The following POLR3B variants were observed in gnomAD, a reference collection of about 807,000 sequenced individuals.
POLR3B encodes the protein RNA polymerase III subunit B.
POLR3B carries 96 observed loss-of-function variants against 147.4 expected under a neutral mutation model. The observed-to-expected ratio is 0.65, with a 90% CI of 0.55 to 0.77. POLR3B has a LOEUF of 0.77. Ranked by LOEUF, POLR3B falls within the 30% of genes least tolerant of loss-of-function variation. The pLI is 0.00. For synonymous variants in POLR3B, 461 were observed against 485.9 expected (o/e 0.95, Z 0.67); for missense variants, 1,036 against 1,413.5 (o/e 0.73, Z 4.28).
rs1263125713 is a variant in POLR3B at position 106,432,499 on chromosome 12, C to T, written c.1627+19C>T. 2 of 1,595,842 alleles carry T rather than the reference C, an allele frequency of 1.3e-6. No individual in the cohort carries two copies. Among genetic ancestry groups the T allele is most frequent in the African/African-American group, 1.3e-5 (1 of 74,558 alleles). ...CTTAATGGTGGGTATATTATAGAGA[C>T]ATGTTGGTCCTAGATAGTCTGTGAA... On this transcript the variant is annotated intron_variant, in intron 15 of 27. Transcript: ENST00000228347.
chr12:106,455,680 T>C (rs2037856100), intron 20 of POLR3B, among the ~76,000 whole-genome samples: 1 of 152,192 alleles, frequency 6.6e-6, no homozygotes, highest in Admixed American at 6.5e-5. Context: ...AAGATTCACA[T>C]TGCACTCCAG....
chr12:106,392,634 G>A (rs1250801194), intron 9 of POLR3B, among the ~76,000 whole-genome samples: 1 of 152,160 alleles, frequency 6.6e-6, no homozygotes, highest in Non-Finnish European at 1.5e-5. Flanking sequence ...ACTGATTGGG[G>A]TTCTGCTTAT....
chr12:106,439,289 A>G (rs368462341), intron 18 of POLR3B, among the ~76,000 whole-genome samples: 1 of 152,212 alleles, frequency 6.6e-6, no homozygotes, highest in Non-Finnish European at 1.5e-5. Context: ...AGGTGGAAGG[A>G]TCATTTGAGC....
At chr12:106,383,083 T>C (rs2136905085) in intron 9 of POLR3B, among the ~76,000 whole-genome samples, 1 of 152,344 alleles carries the variant, frequency 6.6e-6, no homozygotes, top group South Asian at 2.1e-4. Flanking sequence ...CTTCTTTCCA[T>C]AAATCTCATG....
chr12:106,378,489 A>T (rs1210301427), intron 8 of POLR3B, 105 bp downstream of exon 8: 1 of 694,580 alleles, frequency 1.4e-6, no homozygotes, highest in Non-Finnish European at 2.6e-6. Flanking sequence ...CTCTAAAAGC[A>T]GGCATTGTAA....
intron 1 of POLR3B, among the ~76,000 whole-genome samples, chr12:106,362,968 C>T (rs906870308): frequency 7.2e-4 from 110 of 152,168 alleles, no homozygotes; most frequent in Admixed American, 4.9e-3. Flanking sequence ...TTTTGATTTC[C>T]GTCATCATAG....
chr12:106,442,349 G>A (rs762365782), intron 18 of POLR3B, among the ~76,000 whole-genome samples: 129 of 152,126 alleles, frequency 8.5e-4, no homozygotes, highest in Non-Finnish European at 1.5e-3. Flanking sequence ...TGTCAACTTG[G>A]CCAATATTTA....
At chr12:106,424,269 G>T (rs2037408537) in intron 12 of POLR3B, among the ~76,000 whole-genome samples, 1 of 152,066 alleles carries the variant, frequency 6.6e-6, no homozygotes, top group African/African-American at 2.4e-5. Flanking sequence ...TTAGTTTTTG[G>T]GACTAGAACA....
intron 23 of POLR3B, among the ~76,000 whole-genome samples, chr12:106,481,676 T>C (rs538631561): frequency 2.0e-5 from 3 of 152,342 alleles, no homozygotes; most frequent in African/African-American, 7.2e-5. Flanking sequence ...TCCTTACACG[T>C]AGGTTTACAC....
intron 23 of POLR3B, among the ~76,000 whole-genome samples, chr12:106,493,975 G>T (rs142682172): frequency 1.6e-3 from 243 of 152,188 alleles, no homozygotes; most frequent in Non-Finnish European, 2.8e-3. Context: ...TGCCAAAGCA[G>T]TTCCTATAAT....
At chr12:106,472,147 A>G (rs1213444906) in intron 23 of POLR3B, among the ~76,000 whole-genome samples, 6 of 129,294 alleles carry the variant, frequency 4.6e-5, no homozygotes, top group African/African-American at 1.9e-4. Flanking sequence ...TTTACTGAGA[A>G]TGATGGTTTC....
At chr12:106,369,557 C>T (rs777504983) in intron 5 of POLR3B, 26 bp from the exon 6 acceptor site, 1 of 1,449,692 alleles carries the variant, frequency 6.9e-7, no homozygotes, top group South Asian at 1.1e-5. Context: ...GGAGCAGTAA[C>T]TGTCAGATTC....
intron 18 of POLR3B, among the ~76,000 whole-genome samples, chr12:106,443,268 T>C (rs1342341492): frequency 6.6e-6 from 1 of 152,210 alleles, no homozygotes; most frequent in Non-Finnish European, 1.5e-5. Context: ...TTATCAGAAA[T>C]ACTAGATCTC....
intron 23 of POLR3B, among the ~76,000 whole-genome samples, chr12:106,487,064 G>A (rs1359941362): frequency 2.0e-5 from 3 of 152,200 alleles, no homozygotes; most frequent in Non-Finnish European, 4.4e-5. Context: ...ATAACCCAGC[G>A]CTTAGTGTGG....
intron 22 of POLR3B, among the ~76,000 whole-genome samples, chr12:106,460,014 C>A (rs1390621877): frequency 6.6e-6 from 1 of 152,118 alleles, no homozygotes; most frequent in Non-Finnish European, 1.5e-5. Context: ...TCTAACCTAG[C>A]CAAGGTGAAC....
chr12:106,439,147 G>A (rs1280922754), intron 18 of POLR3B, among the ~76,000 whole-genome samples: 1 of 152,172 alleles, frequency 6.6e-6, no homozygotes. Context: ...GACTGAGGCA[G>A]GAGAATCGCC....
intron 12 of POLR3B, among the ~76,000 whole-genome samples, chr12:106,423,187 C>G (rs1002623824): frequency 5.3e-5 from 8 of 151,984 alleles, no homozygotes; most frequent in Admixed American, 3.3e-4. Flanking sequence ...TCCTCTGTAC[C>G]CTTCTCAACT....
chr12:106,409,201 AC>A, intron 11 of POLR3B, among the ~76,000 whole-genome samples: 1 of 152,292 alleles, frequency 6.6e-6, no homozygotes. Flanking sequence ...TAAGATTAGA[AC>A]AATAAAATGT....
At chr12:106,494,255 A>T (rs1185761530) in intron 23 of POLR3B, among the ~76,000 whole-genome samples, 1 of 152,212 alleles carries the variant, frequency 6.6e-6, no homozygotes, top group East Asian at 1.9e-4. Context: ...ACCCACCCCC[A>T]ATATAAGTAT....
Sources: gnomAD v4.1 joint callset for allele counts (sites outside exome capture counted in the v4.1 genomes callset) on GRCh38, gnomAD v4.1.1 for gene constraint, MANE v1.5 for transcripts, NCBI Gene and HGNC (gene_info 2026-07-23, HGNC 2026-07-21) for gene names.